Variants in FGF14 observed in about 807,000 individuals in gnomAD.
The protein encoded by FGF14 is fibroblast growth factor 14.
A neutral mutation model predicts 25.5 loss-of-function variants in FGF14; 5 were observed. That is an observed-to-expected ratio of 0.20 (90% CI 0.10 to 0.41). FGF14 has a LOEUF of 0.41. Among genes scored for constraint, FGF14 ranks in the 10% least tolerant of loss-of-function variants. The pLI is 1.00. For missense variants in FGF14, 222 were observed against 320.1 expected (o/e 0.69, Z 2.34); for synonymous variants, 138 against 118.3 (o/e 1.17, Z -1.08).
At chr13:101,975,695 T>C (rs61465899) in intron 1 of FGF14, among the ~76,000 whole-genome samples, 3,924 of 152,328 alleles carry the variant, frequency 0.026, 78 homozygotes, top group Middle Eastern at 0.065. Context: ...CGCTGAAACA[T>C]AGGCCTTCTT....
chr13:102,102,207 C>G (rs1371071172), intron 1 of FGF14, among the ~76,000 whole-genome samples: 1 of 152,132 alleles, frequency 6.6e-6, no homozygotes, highest in African/African-American at 2.4e-5. Context: ...TAAGAGAGCT[C>G]TAACCCAGTA....
intron 3 of FGF14, among the ~76,000 whole-genome samples, chr13:101,793,151 C>G (rs2040334093): frequency 6.6e-6 from 1 of 152,046 alleles, no homozygotes; most frequent in Non-Finnish European, 1.5e-5. Context: ...GGCTTTGTAT[C>G]CTTTGATTAT....
intron 1 of FGF14, among the ~76,000 whole-genome samples, chr13:102,358,153 T>TAA (rs931806451): frequency 1.3e-5 from 2 of 152,220 alleles, no homozygotes; most frequent in Admixed American, 1.3e-4. Flanking sequence ...CATAATTTTT[T>TAA]AAACCCTTGG....
At chr13:102,224,256 C>T (rs979579895) in intron 1 of FGF14, among the ~76,000 whole-genome samples, 2 of 152,092 alleles carry the variant, frequency 1.3e-5, no homozygotes, top group South Asian at 2.1e-4. Context: ...CGTATTACAT[C>T]GGCAGGGTCT....
At chr13:101,925,719 T>A (rs1478675777) in intron 1 of FGF14, among the ~76,000 whole-genome samples, 3 of 152,202 alleles carry the variant, frequency 2.0e-5, no homozygotes, top group Non-Finnish European at 2.9e-5. Flanking sequence ...TAACCTACAG[T>A]GTAAGTTTCA....
chr13:102,349,717 T>C (rs2057217934), intron 1 of FGF14, among the ~76,000 whole-genome samples: 1 of 152,220 alleles, frequency 6.6e-6, no homozygotes, highest in African/African-American at 2.4e-5. Flanking sequence ...ACCCTGAGCA[T>C]GTTTGATTCC....
intron 1 of FGF14, among the ~76,000 whole-genome samples, chr13:101,894,929 C>A (rs989309989): frequency 1.3e-5 from 2 of 152,110 alleles, no homozygotes; most frequent in Non-Finnish European, 2.9e-5. Context: ...CTACTGTAAC[C>A]TTAGACAACA....
At chr13:102,014,331 C>T (rs945998134) in intron 1 of FGF14, among the ~76,000 whole-genome samples, 11 of 152,070 alleles carry the variant, frequency 7.2e-5, no homozygotes, top group African/African-American at 2.4e-4. Flanking sequence ...ATTTTTTCCA[C>T]TAGTGTAACA....
rs1410133073 is a variant in FGF14, at chr13:102,253,319, T to A, written c.208+148152A>T. ...AAAGTGTTCCTATTTCTCCACATCC[T>A]CTCCAGCATCTGTTGTTTCCTGACT... On this transcript the variant is annotated intron_variant, in intron 1 of 4. Coordinates refer to the FGF14 transcript ENST00000376131. 3.3e-5 allele frequency among the ~76,000 whole-genome samples: 5 copies of A among 152,320 alleles called. No homozygotes were observed. In the East Asian group the frequency reaches 9.7e-4, roughly 29 times the overall value.
At chr13:102,310,696 T>TGTTG (rs1269681335) in intron 1 of FGF14, among the ~76,000 whole-genome samples, 3 of 3,478 alleles carry the variant, frequency 8.6e-4, no homozygotes, top group Non-Finnish European at 1.6e-3. Flanking sequence ...TGTGTGTGTG[T>TGTTG]GGGGGGGGGG....
chr13:102,023,207 G>A (rs1185938133), intron 1 of FGF14, among the ~76,000 whole-genome samples: 1 of 151,946 alleles, frequency 6.6e-6, no homozygotes. Flanking sequence ...CATTTGATAG[G>A]TAAGTAAATG....
Position 101,806,683 on chromosome 13 carries a change from A to G in FGF14, c.408+62042T>C, listed in dbSNP as rs149683269. Among the ~76,000 whole-genome samples, 296 of 152,278 alleles carry G rather than the reference A, an allele frequency of 1.9e-3. 1 individual carries two copies. Among genetic ancestry groups the G allele is most frequent in the Non-Finnish European group, 3.4e-3 (233 of 68,018 alleles). ...GCACAGTACTTTATGAAATTGTGCT[A>G]TAGTATCCTGAAAATGTTATTTAAT... On this transcript the variant is annotated intron_variant, in intron 3 of 4. Transcript: ENST00000376143.
At chr13:102,070,064 T>C (rs1264229351) in intron 1 of FGF14, among the ~76,000 whole-genome samples, 2 of 152,142 alleles carry the variant, frequency 1.3e-5, no homozygotes, top group Non-Finnish European at 2.9e-5. Flanking sequence ...TTCTACACAG[T>C]AATGGAAACA....
chr13:102,110,794 G>A (rs1274298788), intron 1 of FGF14, among the ~76,000 whole-genome samples: 2 of 151,958 alleles, frequency 1.3e-5, no homozygotes, highest in Admixed American at 6.6e-5. Flanking sequence ...TCATTTATTC[G>A]CTGGCTCAGT....
chr13:101,931,944 G>T (rs898302137), intron 1 of FGF14, among the ~76,000 whole-genome samples: 2 of 152,188 alleles, frequency 1.3e-5, no homozygotes, highest in Non-Finnish European at 2.9e-5. Context: ...ACTTCTAAAA[G>T]GTTCTCTGGG....
At chr13:102,365,435 T>G (rs1246616946) in intron 1 of FGF14, among the ~76,000 whole-genome samples, 1 of 152,222 alleles carries the variant, frequency 6.6e-6, no homozygotes, top group African/African-American at 2.4e-5. Flanking sequence ...TTTCTTCATT[T>G]ACAAAACGGC....
At chr13:102,172,341 C>T (rs752483228) in intron 1 of FGF14, among the ~76,000 whole-genome samples, 26 of 151,964 alleles carry the variant, frequency 1.7e-4, no homozygotes, top group Non-Finnish European at 2.8e-4. Flanking sequence ...GATGACAAAC[C>T]CTTAGAAAGT....
At chr13:102,101,093 C>A (rs1370028387) in intron 1 of FGF14, among the ~76,000 whole-genome samples, 1 of 151,504 alleles carries the variant, frequency 6.6e-6, no homozygotes, top group Admixed American at 6.6e-5. Context: ...AGCGAGACTC[C>A]GTCTCCCGCA....
At chr13:102,358,586 G>C (rs112056164) in intron 1 of FGF14, among the ~76,000 whole-genome samples, 3 of 152,090 alleles carry the variant, frequency 2.0e-5, no homozygotes, top group Non-Finnish European at 4.4e-5. Context: ...GTGTGTGTGC[G>C]TATGTTCTGA....
Sources: gnomAD v4.1 joint callset for allele counts (sites outside exome capture counted in the v4.1 genomes callset) on GRCh38, gnomAD v4.1.1 for gene constraint, MANE v1.5 for transcripts, NCBI Gene and HGNC (gene_info 2026-07-23, HGNC 2026-07-21) for gene names.